The following SVEP1 variants were observed in gnomAD, a reference collection of about 807,000 sequenced individuals.
SVEP1 encodes the protein sushi, von Willebrand factor type A, EGF and pentraxin domain containing 1.
A neutral mutation model predicts 367.3 loss-of-function variants in SVEP1; 164 were observed. That is an observed-to-expected ratio of 0.45 (90% confidence interval 0.39 to 0.51). The LOEUF (loss-of-function observed/expected upper bound fraction) is 0.51, where lower values mean the gene tolerates loss of function less well. Among genes scored for constraint, SVEP1 ranks in the 20% least tolerant of loss-of-function variants. SVEP1 has a pLI of 0.00. For synonymous variants in SVEP1, 1,666 were observed against 1,611.6 expected (o/e 1.03, Z -0.81); for missense variants, 4,117 against 4,425.3 (o/e 0.93, Z 1.98).
In SVEP1 at chr9:110,404,540, A is replaced by C; in HGVS notation, c.9453T>G (p.Gly3151=). Residue 3151 remains glycine, a synonymous_variant, in exon 39 of 48, where the codon GGT becomes GGG. Coordinates refer to ENST00000374469, the MANE Select transcript of SVEP1 (RefSeq NM_153366.4). Reference sequence around the variant, plus strand: ...TATCTGTATCTGTATCCATCGTATAACCTTCCAGACATCTGCAATGGAAAT... The same window carrying C: ...TATCTGTATCTGTATCCATCGTATACCCTTCCAGACATCTGCAATGGAAAT... ...ESEVKLRCLE[G]YTMDTDTDTF... The C allele has an allele frequency of 6.2e-7, 1 of 1,613,944 alleles. No homozygotes were observed. Among genetic ancestry groups the C allele is most frequent in the Non-Finnish European group, 8.5e-7 (1 of 1,179,850 alleles).
intron 27 of SVEP1, among the ~76,000 whole-genome samples, chr9:110,439,770 C>T (rs1201337238): frequency 2.6e-5 from 4 of 152,136 alleles, no homozygotes; most frequent in East Asian, 1.9e-4. Context: ...AAGACAGCCA[C>T]GAAGGGTGTC....
At chr9:110,572,816 A>T (rs76330980) in intron 1 of SVEP1, among the ~76,000 whole-genome samples, 2,360 of 138,252 alleles carry the variant, frequency 0.017, 82 homozygotes, top group African/African-American at 0.058. Flanking sequence ...AAAAAAAAAA[A>T]TGAGTACTAC....
intron 7 of SVEP1, among the ~76,000 whole-genome samples, chr9:110,498,474 G>C (rs1050865651): frequency 3.3e-5 from 5 of 152,128 alleles, no homozygotes; most frequent in African/African-American, 1.2e-4. Context: ...TACTCATTCA[G>C]TTCTCCATTG....
intron 40 of SVEP1, among the ~76,000 whole-genome samples, chr9:110,397,262 A>C (rs1827777535): frequency 6.6e-6 from 1 of 152,266 alleles, no homozygotes. Context: ...ATCTCAATAG[A>C]TGCAGAAAAG....
At chr9:110,391,611 TTA>T (rs1827656665) in intron 40 of SVEP1, among the ~76,000 whole-genome samples, 1 of 152,092 alleles carries the variant, frequency 6.6e-6, no homozygotes, top group Non-Finnish European at 1.5e-5. Context: ...TAATAGATAA[TTA>T]ACCTTTAAAC....
In SVEP1 at chr9:110,457,862, A is replaced by C. The variant is rs1828800252; in HGVS notation, c.3577-510T>G. The stretch of plus-strand genomic sequence containing the variant: ...GGCTGTAGGAAGTTGTAATCAGAAA[A>C]ATATCCCCATTATCCATGAAAATAC... On this transcript the variant is annotated intron_variant, in intron 20 of 47. Transcript: ENST00000374469. Among the ~76,000 whole-genome samples, 3 of 152,314 alleles carry C rather than the reference A, an allele frequency of 2.0e-5. No homozygotes were observed. In the East Asian group the frequency reaches 5.8e-4, roughly 29 times the overall value.
intron 17 of SVEP1, among the ~76,000 whole-genome samples, chr9:110,466,511 C>A (rs1828938744): frequency 6.6e-6 from 1 of 152,036 alleles, no homozygotes; most frequent in South Asian, 2.1e-4. Context: ...GTAATCCCAG[C>A]ACTTTGGGAG....
chr9:110,458,895 G>C lies in SVEP1; in HGVS notation c.3484+57C>G, dbSNP rs534735270. On this transcript the variant is annotated intron_variant, in intron 19 of 47. Transcript: ENST00000374469. Reference sequence around the variant, plus strand: ...TATTCAGAACTGAAGCTACAACAGAGACAGGGAAAAGTAAATGTCCAACAT... The same window carrying C: ...TATTCAGAACTGAAGCTACAACAGACACAGGGAAAAGTAAATGTCCAACAT... 9.6e-6 allele frequency: 15 copies of C among 1,568,058 alleles called. No individual in the cohort carries two copies. The African/African-American group carries it at 1.8e-4, about 18-fold the overall frequency.
intron 3 of SVEP1, among the ~76,000 whole-genome samples, chr9:110,544,412 C>T (rs1010096148): frequency 6.6e-6 from 1 of 152,058 alleles, no homozygotes; most frequent in African/African-American, 2.4e-5. Context: ...AAAAGTTGCT[C>T]TTTAGGTAAA....
chr9:110,532,738 G>C (rs764822229), intron 3 of SVEP1, among the ~76,000 whole-genome samples: 1 of 151,932 alleles, frequency 6.6e-6, no homozygotes, highest in Admixed American at 6.6e-5. Flanking sequence ...GCCTCTCAGG[G>C]GCTGTCTGGG....
At chr9:110,571,542 A>G (rs1164981453) in intron 1 of SVEP1, among the ~76,000 whole-genome samples, 2 of 152,218 alleles carry the variant, frequency 1.3e-5, no homozygotes, top group African/African-American at 4.8e-5. Context: ...AGATCCCAGA[A>G]GACATTTCAG....
intron 3 of SVEP1, among the ~76,000 whole-genome samples, chr9:110,519,372 C>T (rs1829849845): frequency 6.6e-6 from 1 of 152,120 alleles, no homozygotes; most frequent in Non-Finnish European, 1.5e-5. Context: ...ACCTTCCTTT[C>T]TTTCCCTTTC....
chr9:110,451,775 T>C (rs983126057), intron 22 of SVEP1, among the ~76,000 whole-genome samples: 4 of 152,190 alleles, frequency 2.6e-5, no homozygotes, highest in African/African-American at 9.7e-5. Flanking sequence ...AGTTACAAAG[T>C]TGGCAAAAAT....
intron 3 of SVEP1, among the ~76,000 whole-genome samples, chr9:110,537,988 T>C (rs544582347): frequency 1.3e-5 from 2 of 151,966 alleles, no homozygotes; most frequent in African/African-American, 4.8e-5. Flanking sequence ...AAGAGAAAGA[T>C]AAGATCTTAT....
intron 47 of SVEP1, among the ~76,000 whole-genome samples, chr9:110,368,809 A>T (rs968637956): frequency 6.6e-6 from 1 of 151,878 alleles, no homozygotes; most frequent in African/African-American, 2.4e-5. Flanking sequence ...GGTTCAGTTT[A>T]TTTTTTCTCC....
At chr9:110,557,086 C>A (rs2118864106) in intron 1 of SVEP1, among the ~76,000 whole-genome samples, 1 of 152,328 alleles carries the variant, frequency 6.6e-6, no homozygotes, top group Non-Finnish European at 1.5e-5. Context: ...ATTTGAATCT[C>A]AGGTGTTCTT....
At chr9:110,437,952 TTAAAA>T (rs1171449550) in intron 27 of SVEP1, among the ~76,000 whole-genome samples, 3 of 152,112 alleles carry the variant, frequency 2.0e-5, no homozygotes, top group African/African-American at 7.2e-5. Flanking sequence ...AAGAAAATTT[TTAAAA>T]TAAATTATAA....
At chr9:110,553,021 G>C (rs1830311083) in intron 1 of SVEP1, among the ~76,000 whole-genome samples, 1 of 152,174 alleles carries the variant, frequency 6.6e-6, no homozygotes, top group South Asian at 2.1e-4. Flanking sequence ...CATGGGAAGA[G>C]ATCCTGGAAG....
intron 3 of SVEP1, among the ~76,000 whole-genome samples, chr9:110,537,097 G>A (rs1374750874): frequency 1.3e-5 from 2 of 151,824 alleles, no homozygotes; most frequent in Non-Finnish European, 2.9e-5. Flanking sequence ...ACTCATTTAC[G>A]ATACTTTTTT....
Sources: allele counts gnomAD v4.1 joint callset (sites outside exome capture counted in the v4.1 genomes callset), GRCh38; gene constraint gnomAD v4.1.1; transcripts MANE v1.5; gene names NCBI Gene and HGNC (gene_info 2026-07-23, HGNC 2026-07-21).